The following MAP3K15 variants were observed in gnomAD, a reference collection of about 807,000 sequenced individuals.
MAP3K15 encodes MAPK/ERK kinase kinase 15.
In MAP3K15, 124 loss-of-function variants were observed where a neutral mutation model predicts 99.5. That is an observed-to-expected ratio of 1.25 (90% confidence interval 1.08 to 1.45). The LOEUF is 1.45. MAP3K15 is among the 40% of genes most tolerant of loss of function. MAP3K15 has a pLI of 0.00. For missense variants in MAP3K15, 1,242 were observed against 1,079.7 expected, an observed-to-expected ratio of 1.15 and a Z score of -2.11; for synonymous variants, 494 against 439.6, an observed-to-expected ratio of 1.12 and a Z score of -1.55.
At position 19,448,926 on chromosome X, in the gene MAP3K15, T is replaced by A. The variant is rs900328636; in HGVS notation, c.995+7987A>T. 1.5e-4 allele frequency among the ~76,000 whole-genome samples: 16 copies of A among 109,741 alleles called. 2 individuals carry two copies. Among genetic ancestry groups the A allele is most frequent in the Non-Finnish European group, 2.3e-4 (12 of 51,826 alleles). On this transcript the variant is annotated intron_variant, in intron 6 of 28. Coordinates refer to ENST00000338883, the MANE Select transcript of MAP3K15 (RefSeq NM_001001671.4). ...AAAGCCTCAAATTAATTCCCACCATTCTACTTTTTTTTCCCAGCAGTCCAG... is the reference window on the plus strand; with the variant it reads ...AAAGCCTCAAATTAATTCCCACCATACTACTTTTTTTTCCCAGCAGTCCAG...
chrX:19,413,679 G>C lies in MAP3K15; in HGVS notation c.1591-215C>G, dbSNP rs1487690218. 1.4e-4 allele frequency among the ~76,000 whole-genome samples: 8 copies of C among 59,066 alleles called. No individual in the cohort carries two copies. In the South Asian group the frequency reaches 5.9e-3, roughly 43 times the overall value. 51.3% of individuals were successfully genotyped at this position (59,066 alleles called of 115,157 possible). A position where few individuals can be genotyped will look rare whatever the true frequency, so the allele number is the denominator to read the frequency against. On this transcript the variant is annotated intron_variant, in intron 10 of 28. Transcript: ENST00000338883. ...CAACATATTGAGATGCCATCTCTTG[G>C]GGGGGGGGGTGGGGAAGATGAAAGG...
intron 18 of MAP3K15, among the ~76,000 whole-genome samples, chrX:19,391,400 G>A (rs965138731): frequency 2.7e-5 from 3 of 110,926 alleles, no homozygotes; most frequent in African/African-American, 6.6e-5. Flanking sequence ...GAGGCCAGGC[G>A]CGGTGGCTCA....
chrX:19,388,973 G>A (rs1240653569), intron 18 of MAP3K15, among the ~76,000 whole-genome samples: 1 of 111,838 alleles, frequency 8.9e-6, no homozygotes, highest in Non-Finnish European at 1.9e-5. Context: ...CAACAACGAA[G>A]TACCCATACA....
At chrX:19,361,797 AC>A (rs1475618333) in intron 26 of MAP3K15, 4 of 345,423 alleles carry the variant, frequency 1.2e-5, no homozygotes, top group African/African-American at 1.0e-4. Flanking sequence ...CATCTAGGAT[AC>A]CTTCAGTTAG....
chrX:19,395,032 C>G (rs745675303), intron 16 of MAP3K15, 49 bp downstream of exon 16: 2 of 1,173,291 alleles, frequency 1.7e-6, no homozygotes, highest in East Asian at 6.3e-5. Flanking sequence ...ATGACATCCA[C>G]GTCGTAGTGA....
rs2063654679 is a variant in MAP3K15, at chrX:19,407,206, G to A, written c.1826C>T (p.Thr609Ile). 2 of 1,191,448 alleles carry A rather than the reference G, an allele frequency of 1.7e-6. No homozygotes were observed. Among genetic ancestry groups the A allele is most frequent in the Non-Finnish European group, 2.3e-6 (2 of 885,163 alleles). The change falls in exon 13 of 29, where the codon ACC becomes ATC. Residue 609 changes from threonine to isoleucine, a missense_variant. By Grantham distance (89) the Thr-to-Ile change is moderately conservative. Coordinates refer to ENST00000338883, the MANE Select transcript of MAP3K15 (RefSeq NM_001001671.4). ...NSDDFQIYFS[T>I]EEQCSRFFSL... Reference sequence around the variant, plus strand: ...AACTCACCTACTGCACTGCTCTTCGGTGGAAAAGTAGATTTGAAAGTCATC... The same window carrying A: ...AACTCACCTACTGCACTGCTCTTCGATGGAAAAGTAGATTTGAAAGTCATC...
intron 6 of MAP3K15, among the ~76,000 whole-genome samples, chrX:19,443,937 A>C (rs986396464): frequency 1.8e-5 from 2 of 111,096 alleles, no homozygotes; most frequent in African/African-American, 6.6e-5. Context: ...CCTTCCCCCA[A>C]ATACCCAAGT....
intron 1 of MAP3K15, among the ~76,000 whole-genome samples, chrX:19,508,997 C>T (rs1431088073): frequency 8.9e-6 from 1 of 111,817 alleles, no homozygotes; most frequent in Admixed American, 9.6e-5. Flanking sequence ...TTTCCTTTTC[C>T]AACAGCATCC....
chrX:19,374,679 T>C lies in MAP3K15; in HGVS notation c.2590-19A>G, dbSNP rs1290724037. ...TGCCCACCTGCATTTAAGGGAGAGG[T>C]AACCGATGTGTCAGTGAGGCCTTGG... On this transcript the variant is annotated intron_variant, in intron 19 of 28. Transcript: ENST00000338883. 8.4e-7 allele frequency: 1 copy of C among 1,193,286 alleles called. No individual in the cohort carries two copies. The highest frequency in any genetic ancestry group is 3.0e-5 in the East Asian group (1 of 33,572).
At chrX:19,437,738 A>T (rs2063931786) in intron 6 of MAP3K15, among the ~76,000 whole-genome samples, 1 of 111,697 alleles carries the variant, frequency 9.0e-6, no homozygotes, top group African/African-American at 3.2e-5. Flanking sequence ...TTTGGGTCTG[A>T]TTTGTTAACT....
chrX:19,374,487 G>A lies in MAP3K15; in HGVS notation c.2763C>T (p.Phe921=), dbSNP rs267606415. The A allele has an allele frequency of 2.5e-6, 3 of 1,208,988 alleles. No homozygotes were observed. In the African/African-American group the frequency reaches 5.3e-5, roughly 21 times the overall value. The change falls in exon 20 of 29, where the codon TTC becomes TTT. Residue 921 remains phenylalanine, a synonymous_variant. Transcript: ENST00000338883. ...VNKGKKNRIA[F]KPSEGPRGVV... is the part of the protein sequence containing the mutation. ...CCAGGGAGGCCTCACCTGAGGGCTT[G>A]AAGGCAATTCGGTTCTTCTTGCCCT...
At chrX:19,417,451 C>G (rs1049130991) in intron 9 of MAP3K15, among the ~76,000 whole-genome samples, 4 of 112,097 alleles carry the variant, frequency 3.6e-5, no homozygotes, top group African/African-American at 1.3e-4. Flanking sequence ...ATTGCTAGCA[C>G]AGCAGTCTGA....
chrX:19,427,042 T>C (rs73637645), intron 7 of MAP3K15, among the ~76,000 whole-genome samples: 1,772 of 110,758 alleles, frequency 0.016, 39 homozygotes, highest in African/African-American at 0.055. Context: ...GGTGTAATCA[T>C]AGTTCACTGC....
At chrX:19,499,428 A>G (rs2064427282) in intron 1 of MAP3K15, among the ~76,000 whole-genome samples, 1 of 112,273 alleles carries the variant, frequency 8.9e-6, no homozygotes, top group Non-Finnish European at 1.9e-5. Flanking sequence ...ACTCATAGGT[A>G]TTTACTCAAG....
At chrX:19,380,460 T>C (rs1414918254) in intron 18 of MAP3K15, among the ~76,000 whole-genome samples, 183 bp from the exon 19 acceptor site, 5 of 111,237 alleles carry the variant, frequency 4.5e-5, no homozygotes, top group Non-Finnish European at 9.4e-5. Flanking sequence ...AACCCACCAC[T>C]AACTGTGAAA....
rs184877141 is a variant in MAP3K15, at chrX:19,364,362, G to A, written c.3567-1512C>T. Among the ~76,000 whole-genome samples, 169 of 111,858 alleles carry A rather than the reference G, an allele frequency of 1.5e-3. 1 individual carries two copies. The highest frequency in any genetic ancestry group is 5.0e-3 in the African/African-American group (153 of 30,762). ...GAAAGGGCTGACAGATTGGAACCAC[G>A]TCTAGCTTTTGTTGGGGCTCAGAAA... On this transcript the variant is annotated intron_variant, in intron 25 of 28. Transcript: ENST00000338883.
chrX:19,495,871 G>A (rs188868957), intron 1 of MAP3K15, among the ~76,000 whole-genome samples: 54 of 110,989 alleles, frequency 4.9e-4, no homozygotes, highest in African/African-American at 1.7e-3. Context: ...CAAGAGGATC[G>A]CTTGAGCCCA....
At chrX:19,363,494 G>A (rs781095663) in intron 25 of MAP3K15, among the ~76,000 whole-genome samples, 66 of 112,083 alleles carry the variant, frequency 5.9e-4, no homozygotes, top group South Asian at 1.1e-3. Context: ...AAAAGATGCC[G>A]ATGTTAATCA....
At chrX:19,504,544 G>C (rs1449857669) in intron 1 of MAP3K15, among the ~76,000 whole-genome samples, 1 of 111,798 alleles carries the variant, frequency 8.9e-6, no homozygotes, top group African/African-American at 3.2e-5. Flanking sequence ...TCACGTGAAA[G>C]GTGGCAAGGA....
Sources: gnomAD v4.1 joint callset for allele counts (sites outside exome capture counted in the v4.1 genomes callset) on GRCh38, gnomAD v4.1.1 for gene constraint, MANE v1.5 for transcripts, NCBI Gene and HGNC (gene_info 2026-07-23, HGNC 2026-07-21) for gene names.